Variants in CLK1 observed in about 807,000 individuals in gnomAD.
The protein encoded by CLK1 is dual specificity protein kinase CLK1.
In CLK1, 40 loss-of-function variants were observed where a neutral mutation model predicts 60.9. The observed-to-expected ratio is 0.66, with a 90% CI of 0.51 to 0.86. The LOEUF (loss-of-function observed/expected upper bound fraction) is 0.86, where lower values mean the gene tolerates loss of function less well. Ranked by LOEUF, CLK1 falls within the 40% of genes least tolerant of loss-of-function variation. The pLI is 0.00. For missense variants in CLK1, 563 were observed against 606.1 expected (o/e 0.93, Z 0.75); for synonymous variants, 203 against 184.4 (o/e 1.10, Z -0.82).
chr2:200,857,312 CA>C (rs912448080), intron 7 of CLK1: 8 of 275,888 alleles, frequency 2.9e-5, no homozygotes, highest in African/African-American at 1.5e-4. Flanking sequence ...TTTCAAAAAA[CA>C]AAAAAACCCA....
Position 200,861,373 on chromosome 2 carries a change from T to TTC in CLK1, c.253_254dup (p.Pro86AsnfsTer57). The TTC allele has an allele frequency of 1.2e-6, 2 of 1,614,200 alleles. No homozygotes were observed. The highest frequency in any genetic ancestry group is 1.7e-6 in the Non-Finnish European group (2 of 1,180,032). On this transcript the variant is annotated frameshift_variant, in exon 3 of 13. Coordinates refer to ENST00000321356, the MANE Select transcript of CLK1 (RefSeq NM_004071.4). LOFTEE classifies it high-confidence loss of function. ...CATGGTCTCTTTGGCGATGTCCAGG[T>TTC]TCACATCCTTGAGTGTAGTCATTTC...
chr2:200,853,545 A>G, intron 12 of CLK1, 96 bp from the exon 13 acceptor site: 1 of 1,190,446 alleles, frequency 8.4e-7, no homozygotes, highest in South Asian at 1.6e-5. Context: ...TAACCACCAT[A>G]AAAACAGAAA....
intron 9 of CLK1, among the ~76,000 whole-genome samples, chr2:200,856,106 T>C (rs1010654912): frequency 2.0e-5 from 3 of 151,498 alleles, no homozygotes; most frequent in African/African-American, 7.3e-5. Flanking sequence ...GGAGTCTCGC[T>C]CTGTCGCCCA....
At chr2:200,858,299 A>C (rs985209348) in intron 5 of CLK1, 1 of 559,858 alleles carries the variant, frequency 1.8e-6, no homozygotes, top group Non-Finnish European at 3.2e-6. Flanking sequence ...TATTTCAGCT[A>C]AACAACTTCT....
chr2:200,858,998 CTACTAATACAAACAATACAA>C (rs971987690), intron 5 of CLK1, among the ~76,000 whole-genome samples: 1 of 152,036 alleles, frequency 6.6e-6, no homozygotes, highest in African/African-American at 2.4e-5. Context: ...AACATAGTCT[CTACTAATACAAACAATACAA>C]TACTAATACA....
chr2:200,859,728 A>G lies in CLK1; in HGVS notation c.500T>C (p.Leu167Ser), dbSNP rs770241727. ...LSARYEIVDT[L>S]GEGAFGKVVE... ...AACTTTTCCAAAAGCTCCTTCACCTAAAGTATCAACAATTTCATCTAAAAG... is the reference window on the plus strand; with the variant it reads ...AACTTTTCCAAAAGCTCCTTCACCTGAAGTATCAACAATTTCATCTAAAAG... The change falls in exon 5 of 13, where the codon TTA becomes TCA. Residue 167 changes from leucine (L) to serine (S), a missense_variant. Leu to Ser is a moderately radical substitution (Grantham distance 145). Transcript: ENST00000321356. The G allele has an allele frequency of 4.3e-6, 7 of 1,613,478 alleles. No homozygotes were observed. The highest frequency in any genetic ancestry group is 3.3e-5 in the South Asian group (3 of 91,026).
chr2:200,860,476 T>TA (rs1213041540), intron 3 of CLK1: 2 of 1,195,466 alleles, frequency 1.7e-6, no homozygotes, highest in East Asian at 7.4e-5. Flanking sequence ...CAACAAAACA[T>TA]AATACAATTG....
In CLK1 at chr2:200,853,282, C is replaced by A; in HGVS notation, c.*24G>T. The A allele has an allele frequency of 6.4e-7, 1 of 1,572,526 alleles. No homozygotes were observed. Among genetic ancestry groups the A allele is most frequent in the Non-Finnish European group, 8.6e-7 (1 of 1,158,358 alleles). On this transcript the variant is annotated 3_prime_UTR_variant, in exon 13 of 13. Transcript: ENST00000321356. ...ACTGATACAGTCTGTAAGATCTCTTCGAGAGAGCTGTCCAATTACAGATCT... is the reference window on the plus strand; with the variant it reads ...ACTGATACAGTCTGTAAGATCTCTTAGAGAGAGCTGTCCAATTACAGATCT...
intron 3 of CLK1, chr2:200,860,985 A>C: frequency 7.9e-7 from 1 of 1,268,172 alleles, no homozygotes; most frequent in Non-Finnish European, 9.9e-7. Flanking sequence ...AACTAATCTA[A>C]ATTAAATCAA....
chr2:200,856,769 CAACTTT>C lies in CLK1; in HGVS notation c.964_969del (p.Lys322_Val323del). The C allele has an allele frequency of 6.2e-7, 1 of 1,613,648 alleles. No homozygotes were observed. Among genetic ancestry groups the C allele is most frequent in the Non-Finnish European group, 8.5e-7 (1 of 1,179,774 alleles). On this transcript the variant is annotated inframe_deletion, in exon 9 of 13. Coordinates refer to ENST00000321356, the MANE Select transcript of CLK1 (RefSeq NM_004071.4). ...TCATATGTTGCACTACCAAAGTCTA[CAACTTT>C]AATATCTGGATTTATTAAGGTGCGT...
At chr2:200,855,938 G>C in intron 9 of CLK1, among the ~76,000 whole-genome samples, 1 of 150,916 alleles carries the variant, frequency 6.6e-6, no homozygotes, top group East Asian at 2.0e-4. Flanking sequence ...GAACCCAGGA[G>C]GCAGAAGTTG....
chr2:200,860,491 T>C, intron 3 of CLK1: 2 of 1,155,918 alleles, frequency 1.7e-6, no homozygotes, highest in South Asian at 3.7e-5. Context: ...CAATTGTTTT[T>C]CTTAAAAAAA....
chr2:200,864,210 C>A, intron 1 of CLK1: 1 of 1,549,068 alleles, frequency 6.5e-7, no homozygotes. Context: ...CGAAGCCGGC[C>A]TCCGCCCAGC....
chr2:200,856,166 G>A (rs926213316), intron 9 of CLK1, among the ~76,000 whole-genome samples: 8 of 151,814 alleles, frequency 5.3e-5, no homozygotes, highest in Non-Finnish European at 1.2e-4. Context: ...TCCGCCTCCC[G>A]GTGTTCAAGC....
rs536528156 is a variant in CLK1 at position 200,854,269 on chromosome 2, C to CT, written c.1221-277dup. 65 of 342,752 alleles carry CT rather than the reference C, an allele frequency of 1.9e-4. 3 individuals are homozygous for CT. The South Asian group carries it at 2.2e-3, about 11-fold the overall frequency. 21.2% of individuals were successfully genotyped at this position (342,752 alleles called of 1,614,324 possible). On this transcript the variant is annotated intron_variant, in intron 11 of 12. Coordinates refer to ENST00000321356, the MANE Select transcript of CLK1 (RefSeq NM_004071.4). ...ATTAAGTTCTGGCCAGGTGCGGTGG[C>CT]TCACGCCTGTAATCTCAGCACTTTG... is the stretch of plus-strand genomic sequence containing the variant.
intron 1 of CLK1, chr2:200,863,385 C>T (rs766022918): frequency 2.0e-5 from 3 of 151,102 alleles, no homozygotes; most frequent in Non-Finnish European, 4.4e-5. Context: ...ATAGAGAGAC[C>T]CCGCCTCTAT....
rs141988261 is a variant in CLK1 at position 200,859,984 on chromosome 2, TC to T, written c.481+140del. 17 of 1,391,790 alleles carry T rather than the reference TC, an allele frequency of 1.2e-5. No homozygotes were observed. In the South Asian group the frequency reaches 2.1e-4, roughly 17 times the overall value. 86.2% of individuals were successfully genotyped at this position (1,391,790 alleles called of 1,614,324 possible). A position where few individuals can be genotyped will look rare whatever the true frequency, so the allele number is the denominator to read the frequency against. On this transcript the variant is annotated intron_variant, in intron 4 of 12. Coordinates refer to ENST00000321356, the MANE Select transcript of CLK1 (RefSeq NM_004071.4). ...ATTTCTAAAGAAAGCAAAAATACAA[TC>T]CCCCCCACCAAAAGAAATGGAAAAA...
Position 200,853,156 on chromosome 2 carries a change from GTACT to G in CLK1, c.*146_*149del. The stretch of plus-strand genomic sequence containing the variant: ...AAAAGATGTTCATTACCTTAGCTAT[GTACT>G]TAATGAACCAAATTACCCAAACAAA... On this transcript the variant is annotated 3_prime_UTR_variant, in exon 13 of 13. Transcript: ENST00000321356. The G allele has an allele frequency of 1.8e-6, 1 of 556,764 alleles. No homozygotes were observed. Among genetic ancestry groups the G allele is most frequent in the Non-Finnish European group, 3.1e-6 (1 of 324,572 alleles). 34.5% of individuals were successfully genotyped at this position (556,764 alleles called of 1,614,324 possible). A position where few individuals can be genotyped will look rare whatever the true frequency, so the allele number is the denominator to read the frequency against.
At position 200,857,776 on chromosome 2, in the gene CLK1, T is replaced by C; in HGVS notation, c.774A>G (p.Leu258=). The change falls in exon 7 of 13, where the codon CTA becomes CTG. Residue 258 remains leucine (L), a synonymous_variant. Coordinates refer to ENST00000321356, the MANE Select transcript of CLK1 (RefSeq NM_004071.4). The part of the protein sequence containing the change: ...TYDFIKENGF[L]PFRLDHIRKM... ...TTCTGATATGATCCAGTCGAAATGGTAGAAAACCATTTTCTTTAATGAAGT... is the reference window on the plus strand; with the variant it reads ...TTCTGATATGATCCAGTCGAAATGGCAGAAAACCATTTTCTTTAATGAAGT... 5 of 1,613,168 alleles carry C rather than the reference T, an allele frequency of 3.1e-6. No individual in the cohort carries two copies. The East Asian group carries it at 8.9e-5, about 29-fold the overall frequency.
Sources: allele counts gnomAD v4.1 joint callset (sites outside exome capture counted in the v4.1 genomes callset), GRCh38; gene constraint gnomAD v4.1.1; transcripts MANE v1.5; gene names NCBI Gene and HGNC (gene_info 2026-07-23, HGNC 2026-07-21).